The following ATIC variants were observed in gnomAD, a reference collection of about 807,000 sequenced individuals.
ATIC encodes 5-aminoimidazole-4-carboxamide ribonucleotide formyltransferase/IMP cyclohydrolase.
In ATIC, 64 loss-of-function variants were observed where a neutral mutation model predicts 72.5. The ratio of observed to expected loss-of-function variants is 0.88; its 90% CI spans 0.72 to 1.09. The LOEUF (loss-of-function observed/expected upper bound fraction) is 1.09, where lower values mean the gene tolerates loss of function less well. Ranked by LOEUF, ATIC falls within the 50% of genes least tolerant of loss-of-function variation. The probability of loss-of-function intolerance (pLI) is 0.00; values close to 1 mark genes in which losing one functional copy is unlikely to be tolerated. For synonymous variants in ATIC, 281 were observed against 267.1 expected, an observed-to-expected ratio of 1.05 and a Z score of -0.51; for missense variants, 787 against 732.4, an observed-to-expected ratio of 1.07 and a Z score of -0.86.
chr2:215,350,555 C>T (rs1242790641), downstream of ATIC, among the ~76,000 whole-genome samples: 1 of 152,144 alleles, frequency 6.6e-6, no homozygotes, highest in Non-Finnish European at 1.5e-5. Flanking sequence ...TTGTTGACCC[C>T]CTCTATGGAT....
intron 4 of ATIC, among the ~76,000 whole-genome samples, chr2:215,322,704 T>C (rs1457950090): frequency 6.6e-6 from 1 of 152,180 alleles, no homozygotes; most frequent in Non-Finnish European, 1.5e-5. Context: ...TTTAAGTTAA[T>C]TTTCATATAC....
chr2:215,350,412 C>T (rs920424537), downstream of ATIC, among the ~76,000 whole-genome samples: 1 of 152,156 alleles, frequency 6.6e-6, no homozygotes, highest in African/African-American at 2.4e-5. Flanking sequence ...GGATTACGGG[C>T]GTGAGCCACC....
downstream of ATIC, among the ~76,000 whole-genome samples, chr2:215,351,059 T>C (rs1390183180): frequency 7.2e-5 from 11 of 152,222 alleles, no homozygotes; most frequent in Admixed American, 7.2e-4. Context: ...CTTTTGAGGC[T>C]AGGTCCTAAT....
intron 12 of ATIC, among the ~76,000 whole-genome samples, chr2:215,339,788 C>A (rs547630746): frequency 2.0e-5 from 3 of 152,076 alleles, no homozygotes; most frequent in African/African-American, 7.2e-5. Context: ...GCGCCCGCCA[C>A]AACGCCTGGC....
chr2:215,327,017 T>C (rs775719030), intron 7 of ATIC, 39 bp downstream of exon 7: 2 of 1,613,546 alleles, frequency 1.2e-6, no homozygotes, highest in Admixed American at 1.7e-5. Flanking sequence ...TTGCTGTGCC[T>C]GGAGAGTGTG....
At chr2:215,312,373 T>C in intron 1 of ATIC, 125 bp from the exon 2 acceptor site, 1 of 1,566,058 alleles carries the variant, frequency 6.4e-7, no homozygotes, top group East Asian at 2.2e-5. Context: ...GGACCAGGCC[T>C]GCGAACGCAG....
chr2:215,312,742 GGT>G, intron 2 of ATIC, 118 bp downstream of exon 2: 1 of 1,474,074 alleles, frequency 6.8e-7, no homozygotes, highest in East Asian at 2.4e-5. Context: ...CTGTGAGGTT[GGT>G]GTAATACTTC....
chr2:215,342,926 G>A (rs764740411), intron 12 of ATIC, among the ~76,000 whole-genome samples: 5 of 152,182 alleles, frequency 3.3e-5, no homozygotes, highest in Non-Finnish European at 7.3e-5. Context: ...TGATCTACCC[G>A]CCTGGGATTA....
the ATIC span, chr2:215,361,820 T>C: frequency 1.7e-6 from 2 of 1,145,220 alleles, no homozygotes; most frequent in Non-Finnish European, 2.5e-6. Context: ...ACTTAAACTA[T>C]ATTATGGAAT....
downstream of ATIC, among the ~76,000 whole-genome samples, chr2:215,354,353 A>G (rs1045260775): frequency 8.6e-5 from 13 of 151,880 alleles, no homozygotes; most frequent in African/African-American, 2.9e-4. Context: ...TTTCCTGGGT[A>G]TTTTCAAGCT....
At chr2:215,327,739 G>A (rs1012994902) in intron 7 of ATIC, among the ~76,000 whole-genome samples, 4 of 152,242 alleles carry the variant, frequency 2.6e-5, no homozygotes, top group African/African-American at 9.6e-5. Context: ...TGCCTGGGGC[G>A]GTCAGCATTT....
intron 7 of ATIC, among the ~76,000 whole-genome samples, chr2:215,329,523 T>C (rs892576173): frequency 2.0e-5 from 3 of 152,216 alleles, no homozygotes; most frequent in African/African-American, 7.2e-5. Flanking sequence ...GGCAGTGATG[T>C]TATTACAGAG....
At chr2:215,358,917 C>CT in the ATIC span, among the ~76,000 whole-genome samples, 7 of 152,256 alleles carry the variant, frequency 4.6e-5, no homozygotes, top group African/African-American at 7.2e-5. Context: ...AAGTCTCACT[C>CT]TGTCGCCCAT....
chr2:215,348,280 G>A (rs1186871326), intron 14 of ATIC, among the ~76,000 whole-genome samples: 1 of 152,114 alleles, frequency 6.6e-6, no homozygotes, highest in Non-Finnish European at 1.5e-5. Flanking sequence ...TATAAATGTA[G>A]TTAAAGAACT....
Position 215,326,935 on chromosome 2 carries a change from C to G in ATIC, c.645C>G (p.Thr215=), listed in dbSNP as rs3772079. 20 of 1,613,962 alleles carry G rather than the reference C, an allele frequency of 1.2e-5. No homozygotes were observed. In the East Asian group the frequency reaches 4.5e-4, roughly 36 times the overall value. The change falls in exon 7 of 16, where the codon ACC becomes ACG. Residue 215 remains threonine (T), a synonymous_variant. Transcript: ENST00000236959. ...GATATGGAATGAACCCACATCAGAC[C>G]CCTGCCCAGCTGTACACACTGCAGC... ...PLRYGMNPHQ[T]PAQLYTLQPK...
At chr2:215,353,944 C>T (rs1248521228), downstream of ATIC, among the ~76,000 whole-genome samples, 1 of 152,158 alleles carries the variant, frequency 6.6e-6, no homozygotes, top group Non-Finnish European at 1.5e-5. Flanking sequence ...TTCTTTAATA[C>T]TTTGAAAACA....
intron 7 of ATIC, among the ~76,000 whole-genome samples, chr2:215,328,460 G>A (rs983897776): frequency 4.6e-5 from 7 of 151,822 alleles, no homozygotes; most frequent in African/African-American, 1.2e-4. Flanking sequence ...TAGCCCCTCC[G>A]CCCTGTGCCT....
At position 215,349,185 on chromosome 2, in the gene ATIC, C is replaced by T; in HGVS notation, c.1595C>T (p.Thr532Ile). Residue 532 changes from threonine to isoleucine, a missense_variant, in exon 15 of 16, where the codon ACT (threonine) becomes ATT (isoleucine). Physicochemically the swap from Thr to Ile is moderately conservative, Grantham distance 89 (BLOSUM62 -1). Transcript: ENST00000236959. ...AEKKEWVEKL[T>I]EVSISSDAFF... ...AAGAAGGAATGGGTTGAGAAACTGA[C>T]TGAAGTTTCTATCAGCTCTGATGCC... 6.2e-7 allele frequency: 1 copy of T among 1,614,108 alleles called. No homozygotes were observed. The highest frequency in any genetic ancestry group is 1.7e-5 in the Admixed American group (1 of 60,020).
In ATIC at chr2:215,332,077, C is replaced by G. The variant is rs76935175; in HGVS notation, c.689-305C>G. 4.5e-4 allele frequency among the ~76,000 whole-genome samples: 68 copies of G among 151,776 alleles called. 1 individual carries two copies. The East Asian group carries it at 0.013, about 28-fold the overall frequency. ...AGTCTTGTCATAGTTTCTCCCATCC[C>G]TAAATCTCTTATTGTGGATTTATTT... is the stretch of plus-strand genomic sequence containing the variant. On this transcript the variant is annotated intron_variant, in intron 7 of 15. Transcript: ENST00000236959.
Sources: allele counts gnomAD v4.1 joint callset (sites outside exome capture counted in the v4.1 genomes callset), GRCh38; gene constraint gnomAD v4.1.1; transcripts MANE v1.5; gene names NCBI Gene and HGNC (gene_info 2026-07-23, HGNC 2026-07-21).